MYO6: variants seen among roughly 807,000 people sequenced by gnomAD.
MYO6 encodes the protein myosin VI, also known as unconventional myosin-VI.
In MYO6, 74 loss-of-function variants were observed where a neutral mutation model predicts 178.7. The ratio of observed to expected loss-of-function variants is 0.41; its 90% confidence interval spans 0.34 to 0.50. The LOEUF (loss-of-function observed/expected upper bound fraction) is 0.50, where lower values mean the gene tolerates loss of function less well. Among genes scored for constraint, MYO6 ranks in the 20% least tolerant of loss-of-function variants. The pLI is 0.09. For synonymous variants in MYO6, 477 were observed against 504.6 expected, an observed-to-expected ratio of 0.95 and a Z score of 0.73; for missense variants, 1,330 against 1,547.4, an observed-to-expected ratio of 0.86 and a Z score of 2.36.
At position 75,835,894 on chromosome 6, in the gene MYO6, T is replaced by C; in HGVS notation, c.498-7T>C. ...CATCAACATTTTTTATCCTATATTT[T>C]AAACAGATACCTGACTGAATCCTAT... On this transcript the variant is annotated splice_polypyrimidine_tract_variant and splice_region_variant and intron_variant, in intron 6 of 34. Coordinates refer to ENST00000369977, the MANE Select transcript of MYO6 (RefSeq NM_004999.4). 1 of 1,562,434 alleles carries C rather than the reference T, an allele frequency of 6.4e-7. No homozygotes were observed. The highest frequency in any genetic ancestry group is 8.8e-7 in the Non-Finnish European group (1 of 1,133,012).
At chr6:75,771,833 A>G (rs928389297) in intron 1 of MYO6, among the ~76,000 whole-genome samples, 18 of 152,276 alleles carry the variant, frequency 1.2e-4, no homozygotes, top group Non-Finnish European at 2.2e-4. Context: ...TCTGCAGTTC[A>G]ATTACTTATC....
At chr6:75,867,320 G>A in intron 18 of MYO6, 1 of 455,816 alleles carries the variant, frequency 2.2e-6, no homozygotes, top group Non-Finnish European at 3.9e-6. Context: ...GTTCATTCTT[G>A]GTTCTTAACA....
chr6:75,829,930 CT>C (rs1772906277), intron 4 of MYO6, among the ~76,000 whole-genome samples: 1 of 152,122 alleles, frequency 6.6e-6, no homozygotes, highest in African/African-American at 2.4e-5. Flanking sequence ...CCAGAAGGTG[CT>C]ACGAGCTGTA....
Position 75,828,593 on chromosome 6 carries a change from T to C in MYO6, c.241T>C (p.Tyr81His), listed in dbSNP as rs1016779045. 35 of 1,579,442 alleles carry C rather than the reference T, an allele frequency of 2.2e-5. No homozygotes were observed. The highest frequency in any genetic ancestry group is 3.0e-5 in the Non-Finnish European group (34 of 1,148,988). The change falls in exon 4 of 35, where the codon TAT (tyrosine) becomes CAT (histidine). Residue 81 changes from tyrosine to histidine, a missense_variant. Coordinates refer to ENST00000369977, the MANE Select transcript of MYO6 (RefSeq NM_004999.4). ...ACTGCTCCATAATATCAAAGTTCGATATAGTAAAGACAGAATTTATGTAAG... is the reference window on the plus strand; with the variant it reads ...ACTGCTCCATAATATCAAAGTTCGACATAGTAAAGACAGAATTTATGTAAG... ...ATLLHNIKVR[Y>H]SKDRIYTYVA...
At chr6:75,888,928 TTTGA>T (rs1300572416) in intron 25 of MYO6, among the ~76,000 whole-genome samples, 4 of 152,212 alleles carry the variant, frequency 2.6e-5, no homozygotes, top group African/African-American at 9.6e-5. Flanking sequence ...TTTTTATTTA[TTTGA>T]TTACTAGTGG....
At chr6:75,778,289 A>T (rs1440422467) in intron 1 of MYO6, among the ~76,000 whole-genome samples, 1 of 152,166 alleles carries the variant, frequency 6.6e-6, no homozygotes, top group Non-Finnish European at 1.5e-5. Flanking sequence ...ATATAAGTAA[A>T]ATAAATAGTT....
At chr6:75,870,244 T>C (rs1777031576) in intron 18 of MYO6, among the ~76,000 whole-genome samples, 1 of 152,240 alleles carries the variant, frequency 6.6e-6, no homozygotes, top group Non-Finnish European at 1.5e-5. Context: ...TCTTCATTCC[T>C]AATGTGTGTG....
At chr6:75,804,350 C>CT (rs1488449294) in intron 1 of MYO6, among the ~76,000 whole-genome samples, 5 of 152,174 alleles carry the variant, frequency 3.3e-5, no homozygotes. Context: ...AGCTAATAGC[C>CT]TTAGGATACA....
intron 1 of MYO6, among the ~76,000 whole-genome samples, chr6:75,758,359 C>CTTTTTTTTAAAGCTTATTTGGGGCTTA (rs1036465280): frequency 1.3e-5 from 2 of 151,878 alleles, no homozygotes; most frequent in Non-Finnish European, 2.9e-5. Context: ...TCTTCATTGA[C>CTTTTTTTTAAAGCTTATTTGGGGCTTA]TTTTTTTTAA....
At chr6:75,859,047 T>C in intron 14 of MYO6, 54 bp downstream of exon 14, 1 of 1,193,102 alleles carries the variant, frequency 8.4e-7, no homozygotes, top group Non-Finnish European at 1.2e-6. Flanking sequence ...TTTTAAATTT[T>C]AAGGAAGAGA....
intron 27 of MYO6, among the ~76,000 whole-genome samples, chr6:75,891,615 G>C (rs1337432191): frequency 6.6e-6 from 1 of 151,992 alleles, no homozygotes; most frequent in Non-Finnish European, 1.5e-5. Flanking sequence ...CTGGGCAACA[G>C]AGCGAGACTC....
intron 6 of MYO6, among the ~76,000 whole-genome samples, chr6:75,834,340 C>A (rs1056422212): frequency 4.6e-5 from 7 of 152,044 alleles, no homozygotes; most frequent in Non-Finnish European, 8.8e-5. Context: ...CCAAGTGATC[C>A]TCCTACCTCA....
At position 75,911,698 on chromosome 6, in the gene MYO6, C is replaced by T. The variant is rs748774373; in HGVS notation, c.3439C>T (p.Pro1147Ser). ...TTTTGCACCATTTTTGAACAATTCA[C>T]GTAAGTCAATGGGTGGTAACTCATG... ...YDFAPFLNNS[P>S]QQNPAAQIPA... is the part of the protein sequence containing the mutation. Residue 1147 changes from proline (P) to serine (S), a missense_variant and splice_region_variant, in exon 33 of 35, where the codon CCT becomes TCT. This residue lies in a region of MYO6 where 601 missense variants were observed against 626.1 expected (regional missense o/e 0.96). Coordinates refer to ENST00000369977, the MANE Select transcript of MYO6 (RefSeq NM_004999.4). The T allele has an allele frequency of 2.1e-5, 34 of 1,611,478 alleles. No homozygotes were observed. In the Admixed American group the frequency reaches 3.7e-4, roughly 17 times the overall value.
intron 30 of MYO6, among the ~76,000 whole-genome samples, chr6:75,905,938 G>A (rs1780282069): frequency 6.6e-6 from 1 of 152,120 alleles, no homozygotes; most frequent in African/African-American, 2.4e-5. Flanking sequence ...TTTACTTCAG[G>A]AAGAAAGTGA....
At position 75,789,364 on chromosome 6, in the gene MYO6, A is replaced by T. The variant is rs191505910; in HGVS notation, c.-47-28137A>T. 8.5e-5 allele frequency among the ~76,000 whole-genome samples: 13 copies of T among 152,324 alleles called. 1 individual carries two copies. Among genetic ancestry groups the T allele is most frequent in the African/African-American group, 3.1e-4 (13 of 41,580 alleles). Reference sequence around the variant, plus strand: ...ACATGGTCTTTCATTTAATCCTCATAACAGGTTTCATGTACATATTATTCA... The same window carrying T: ...ACATGGTCTTTCATTTAATCCTCATTACAGGTTTCATGTACATATTATTCA... On this transcript the variant is annotated intron_variant, in intron 1 of 34. Transcript: ENST00000369977.
chr6:75,793,904 A>G (rs996733360), intron 1 of MYO6, among the ~76,000 whole-genome samples: 7 of 152,254 alleles, frequency 4.6e-5, no homozygotes, highest in Non-Finnish European at 7.3e-5. Flanking sequence ...ATAGGTCTCC[A>G]TGTACTTACA....
At chr6:75,832,513 T>C (rs1410121630) in intron 5 of MYO6, among the ~76,000 whole-genome samples, 2 of 152,182 alleles carry the variant, frequency 1.3e-5, no homozygotes, top group African/African-American at 4.8e-5. Flanking sequence ...TTATGCATAG[T>C]GACCATTTTT....
In MYO6 at chr6:75,917,189, C is replaced by T. The variant is rs542728631; in HGVS notation, c.*2177C>T. The T allele has an allele frequency of 6.5e-6, 1 of 152,712 alleles. No individual in the cohort carries two copies. Among genetic ancestry groups the T allele is most frequent in the East Asian group, 1.9e-4 (1 of 5,178 alleles). 9.5% of individuals were successfully genotyped at this position (152,712 alleles called of 1,614,324 possible). A position where few individuals can be genotyped will look rare whatever the true frequency, so the allele number is the denominator to read the frequency against. ...CTGCTTTACCATGTTCACAGTCAAG[C>T]CCATGCATGCCAGGTTAAAACTGTG... On this transcript the variant is annotated 3_prime_UTR_variant, in exon 35 of 35. Transcript: ENST00000369977.
At chr6:75,903,579 C>G (rs368302791) in intron 30 of MYO6, among the ~76,000 whole-genome samples, 2 of 152,132 alleles carry the variant, frequency 1.3e-5, no homozygotes, top group African/African-American at 2.4e-5. Flanking sequence ...CCATTTGCTT[C>G]ATAGATCTTC....
Sources: allele counts gnomAD v4.1 joint callset (sites outside exome capture counted in the v4.1 genomes callset), GRCh38; gene constraint gnomAD v4.1.1; regional missense constraint gnomAD v4.1.1; transcripts MANE v1.5; gene names NCBI Gene and HGNC (gene_info 2026-07-23, HGNC 2026-07-21).